Variants in SOX6 observed in about 807,000 individuals in gnomAD.
SOX6 encodes the protein SRY-box transcription factor 6, also known as transcription factor SOX-6.
A neutral mutation model predicts 97.8 loss-of-function variants in SOX6; 11 were observed. That is an observed-to-expected ratio of 0.11 (90% confidence interval 0.07 to 0.19). The LOEUF (loss-of-function observed/expected upper bound fraction) is 0.19. SOX6 is among the 10% of genes least tolerant of loss of function. The probability of loss-of-function intolerance (pLI) is 1.00; values close to 1 mark genes in which losing one functional copy is unlikely to be tolerated. For missense variants in SOX6, 810 were observed against 1,039.5 expected (o/e 0.78, Z 3.04); for synonymous variants, 360 against 371.4 (o/e 0.97, Z 0.35).
At chr11:16,356,654 A>G (rs530575892), upstream of SOX6, among the ~76,000 whole-genome samples, 12 of 152,250 alleles carry the variant, frequency 7.9e-5, no homozygotes, top group South Asian at 2.5e-3. Context: ...GAAAACAATC[A>G]AGCATTGTTG....
chr11:16,653,498 A>G (rs903578467), intron 3 of SOX6, among the ~76,000 whole-genome samples: 3 of 152,224 alleles, frequency 2.0e-5, no homozygotes, highest in Admixed American at 1.3e-4. Flanking sequence ...GGAGACCATT[A>G]TTCTAAATAA....
At chr11:16,390,802 G>A (rs1330473718) in intron 1 of SOX6, among the ~76,000 whole-genome samples, 1 of 152,132 alleles carries the variant, frequency 6.6e-6, no homozygotes, top group Non-Finnish European at 1.5e-5. Context: ...CAAGGATCTA[G>A]AACCAGAAAT....
chr11:16,366,317 T>G (rs778348281), intron 1 of SOX6, among the ~76,000 whole-genome samples: 21 of 152,112 alleles, frequency 1.4e-4, no homozygotes, highest in Non-Finnish European at 2.2e-4. Context: ...CATCCTGACA[T>G]CCTGAAAAGG....
chr11:16,292,139 G>A (rs1239291081), intron 3 of SOX6, among the ~76,000 whole-genome samples: 1 of 152,070 alleles, frequency 6.6e-6, no homozygotes, highest in East Asian at 1.9e-4. Flanking sequence ...CATAGCTCAG[G>A]AAAGGAAAAG....
intron 12 of SOX6, 59 bp downstream of exon 12, chr11:16,046,455 C>A: frequency 1.9e-6 from 3 of 1,587,894 alleles, no homozygotes; most frequent in Non-Finnish European, 2.6e-6. Context: ...CTGGAAAGAA[C>A]CAGATGAGAG....
chr11:16,675,935 G>T (rs974944593), intron 3 of SOX6, among the ~76,000 whole-genome samples: 1 of 152,096 alleles, frequency 6.6e-6, no homozygotes, highest in East Asian at 1.9e-4. Context: ...CATGGAGTTT[G>T]TTGAGCTTCT....
intron 1 of SOX6, chr11:16,408,592 T>C (rs1196607219): frequency 1.3e-5 from 2 of 152,162 alleles, no homozygotes; most frequent in South Asian, 2.1e-4. Flanking sequence ...ACATCAGATA[T>C]TTAGGAAGCC....
chr11:16,349,696 G>GGAAGGAAGGAAA (rs1856869926), intron 1 of SOX6, among the ~76,000 whole-genome samples: 1 of 52,090 alleles, frequency 1.9e-5, no homozygotes, highest in East Asian at 5.1e-4. Context: ...AAGGAAGGAA[G>GGAAGGAAGGAAA]GAAGGAAGGA....
At chr11:16,574,138 TA>T (rs1475887580) in intron 4 of SOX6, among the ~76,000 whole-genome samples, 1 of 152,144 alleles carries the variant, frequency 6.6e-6, no homozygotes. Context: ...CTCAACAAGT[TA>T]ATTCTAAATT....
At chr11:16,097,510 ATTAT>A in intron 8 of SOX6, 95 bp downstream of exon 8, 2 of 1,052,102 alleles carry the variant, frequency 1.9e-6, no homozygotes, top group Non-Finnish European at 2.9e-6. Flanking sequence ...TGCTTAAAAA[ATTAT>A]TTAACATTCA....
At chr11:16,563,308 GT>G (rs1271622869) in intron 4 of SOX6, among the ~76,000 whole-genome samples, 3 of 152,154 alleles carry the variant, frequency 2.0e-5, no homozygotes, top group African/African-American at 7.2e-5. Flanking sequence ...GCTGGTTCGG[GT>G]TGGTGCATGC....
chr11:16,493,096 A>G (rs1168040202), intron 4 of SOX6, among the ~76,000 whole-genome samples: 1 of 152,198 alleles, frequency 6.6e-6, no homozygotes, highest in Non-Finnish European at 1.5e-5. Flanking sequence ...TCATCCAGAA[A>G]TTCTACTTCT....
chr11:16,053,757 T>A (rs531853594), intron 10 of SOX6, among the ~76,000 whole-genome samples: 123 of 152,276 alleles, frequency 8.1e-4, no homozygotes, highest in African/African-American at 2.9e-3. Context: ...AAATGTTGCC[T>A]ATATTCTGTC....
intron 13 of SOX6, among the ~76,000 whole-genome samples, chr11:16,004,687 T>C (rs1854499885): frequency 6.6e-6 from 1 of 151,984 alleles, no homozygotes; most frequent in Non-Finnish European, 1.5e-5. Flanking sequence ...CCATTTCTAA[T>C]TAAAATTTTC....
At position 16,525,080 on chromosome 11, in the gene SOX6, C is replaced by T. The variant is rs1389888253; in HGVS notation, n.610-48692G>A. ...CCCAAGGTAATTTATAGATTCAATG[C>T]CATCCCCATCAAGCTACCAAGGACT... is the stretch of plus-strand genomic sequence containing the variant. On this transcript the variant is annotated intron_variant and non_coding_transcript_variant, in intron 4 of 5. Transcript: ENST00000524520. 2.6e-5 allele frequency among the ~76,000 whole-genome samples: 4 copies of T among 152,112 alleles called. No homozygotes were observed. The East Asian group carries it at 7.7e-4, about 29-fold the overall frequency.
intron 1 of SOX6, among the ~76,000 whole-genome samples, chr11:16,410,376 TTTA>T (rs1288443143): frequency 6.6e-6 from 1 of 152,094 alleles, no homozygotes; most frequent in African/African-American, 2.4e-5. Context: ...GTGGGAAATA[TTTA>T]TTATTTAACA....
At position 16,620,856 on chromosome 11, in the gene SOX6, A is replaced by G. The variant is rs1000798935; in HGVS notation, n.430-8596T>C. On this transcript the variant is annotated intron_variant and non_coding_transcript_variant, in intron 3 of 5. Transcript: ENST00000524520. ...TTTTAATTCATTAACCTTTTTTGCC[A>G]TAATTTTATTTGAGCCACTACAGCC... is the stretch of plus-strand genomic sequence containing the variant. Among the ~76,000 whole-genome samples, 21 of 152,270 alleles carry G rather than the reference A, an allele frequency of 1.4e-4. 1 individual carries two copies. Among genetic ancestry groups the G allele is most frequent in the African/African-American group, 5.1e-4 (21 of 41,576 alleles).
chr11:16,488,143 C>A (rs968489810), intron 4 of SOX6, among the ~76,000 whole-genome samples: 2 of 152,106 alleles, frequency 1.3e-5, no homozygotes, highest in African/African-American at 4.8e-5. Flanking sequence ...ATCTAAGAGT[C>A]CCAATTCCTA....
At chr11:16,259,364 T>C (rs1175666670) in intron 3 of SOX6, among the ~76,000 whole-genome samples, 2 of 152,076 alleles carry the variant, frequency 1.3e-5, no homozygotes, top group Non-Finnish European at 1.5e-5. Context: ...TCTCCCTAAA[T>C]TGATATATAA....
Sources: gnomAD v4.1 joint callset for allele counts (sites outside exome capture counted in the v4.1 genomes callset) on GRCh38, gnomAD v4.1.1 for gene constraint, MANE v1.5 for transcripts, NCBI Gene and HGNC (gene_info 2026-07-23, HGNC 2026-07-21) for gene names.